Variants in CCSER2 observed in about 807,000 individuals in gnomAD.
The protein encoded by CCSER2 is coiled-coil serine rich protein 2.
Under a neutral mutation model 92.3 loss-of-function variants are expected in CCSER2, and 46 were observed. The ratio of observed to expected loss-of-function variants is 0.50; its 90% CI spans 0.39 to 0.64. The LOEUF (loss-of-function observed/expected upper bound fraction) is 0.64, where lower values mean the gene tolerates loss of function less well. Among genes scored for constraint, CCSER2 ranks in the 30% least tolerant of loss-of-function variants. CCSER2 has a pLI of 0.00. For missense variants in CCSER2, 1,244 were observed against 1,238.9 expected (o/e 1.00, Z -0.06); for synonymous variants, 433 against 431.4 (o/e 1.00, Z -0.04).
chr10:84,381,272 A>G (rs1215357243), intron 3 of CCSER2, among the ~76,000 whole-genome samples: 1 of 152,218 alleles, frequency 6.6e-6, no homozygotes, highest in Admixed American at 6.5e-5. Context: ...TTTTACATTT[A>G]AGACTTCATC....
chr10:84,511,764 C>T (rs1407174668), intron 9 of CCSER2, among the ~76,000 whole-genome samples: 3 of 152,086 alleles, frequency 2.0e-5, no homozygotes, highest in African/African-American at 4.8e-5. Context: ...CACTTTGGCA[C>T]GGTCATTTTT....
intron 3 of CCSER2, chr10:84,392,018 AAG>A: frequency 7.8e-7 from 1 of 1,288,620 alleles, no homozygotes. Context: ...TTCCCTTAAA[AAG>A]AGCGTCTTGC....
intron 3 of CCSER2, among the ~76,000 whole-genome samples, chr10:84,384,335 A>G (rs1463816206): frequency 2.0e-5 from 3 of 152,196 alleles, no homozygotes; most frequent in Non-Finnish European, 4.4e-5. Context: ...GAAAAAAACT[A>G]CTGGCCAGTA....
At position 84,371,964 on chromosome 10, in the gene CCSER2, A is replaced by G. The variant is rs1440033441; in HGVS notation, c.912A>G (p.Pro304=). Residue 304 remains proline, a synonymous_variant, in exon 2 of 10, where the codon CCA becomes CCG. Coordinates refer to ENST00000372088, the MANE Select transcript of CCSER2 (RefSeq NM_001284240.2). ...YAAGGKKLAL[P]NGPGVTSTLG... is the part of the protein sequence containing the mutation. ...CTGGTGGAAAGAAGTTGGCTTTACCAAATGGCCCAGGTGTAACTTCTACTT... is the reference window on the plus strand; with the variant it reads ...CTGGTGGAAAGAAGTTGGCTTTACCGAATGGCCCAGGTGTAACTTCTACTT... The G allele has an allele frequency of 1.2e-6, 2 of 1,613,812 alleles. No individual in the cohort carries two copies. The highest frequency in any genetic ancestry group is 1.7e-5 in the Admixed American group (1 of 59,992).
intron 1 of CCSER2, among the ~76,000 whole-genome samples, chr10:84,368,316 T>TA (rs1845889513): frequency 6.6e-6 from 1 of 152,184 alleles, no homozygotes. Context: ...CGCTACTTTT[T>TA]AAACTTTATA....
intron 6 of CCSER2, among the ~76,000 whole-genome samples, chr10:84,463,371 C>T (rs2133668135): frequency 6.6e-6 from 1 of 152,298 alleles, no homozygotes; most frequent in East Asian, 1.9e-4. Flanking sequence ...CAGTAACCCC[C>T]TTCCCTTTAG....
At chr10:84,507,574 C>A (rs192260387) in intron 9 of CCSER2, among the ~76,000 whole-genome samples, 82 of 152,252 alleles carry the variant, frequency 5.4e-4, no homozygotes, top group African/African-American at 1.9e-3. Context: ...CATTATTACA[C>A]TTTAGAACAT....
chr10:84,347,938 G>A (rs1310337800), intron 1 of CCSER2, among the ~76,000 whole-genome samples: 2 of 151,650 alleles, frequency 1.3e-5, no homozygotes. Flanking sequence ...GTGGGATGGC[G>A]GCCGGGAAGA....
chr10:84,350,227 G>A (rs943949328), intron 1 of CCSER2, among the ~76,000 whole-genome samples: 7 of 152,228 alleles, frequency 4.6e-5, no homozygotes, highest in East Asian at 1.9e-4. Flanking sequence ...TTTCCACTGC[G>A]CCAGAGCACT....
At chr10:84,378,132 A>G (rs1222338934) in intron 3 of CCSER2, among the ~76,000 whole-genome samples, 3 of 152,214 alleles carry the variant, frequency 2.0e-5, no homozygotes, top group Admixed American at 6.5e-5. Flanking sequence ...ATAGTTCACC[A>G]TTAAAGTTTT....
chr10:84,454,840 T>C (rs1331543910), intron 6 of CCSER2: 1 of 154,114 alleles, frequency 6.5e-6, no homozygotes, highest in Non-Finnish European at 1.5e-5. Flanking sequence ...TTTCTCTTTT[T>C]CTTTGCACTT....
At position 84,514,481 on chromosome 10, in the gene CCSER2, G is replaced by C; in HGVS notation, c.*214G>C. 1 of 536,364 alleles carries C rather than the reference G, an allele frequency of 1.9e-6. No homozygotes were observed. Among genetic ancestry groups the C allele is most frequent in the South Asian group, 2.7e-5 (1 of 37,132 alleles). 33.2% of individuals were successfully genotyped at this position (536,364 alleles called of 1,614,324 possible). A position where few individuals can be genotyped will look rare whatever the true frequency, so the allele number is the denominator to read the frequency against. ...GAGCATAATTATCTCAGGTAAACAC[G>C]AAAGTTTGCTTACCCATTTCAGAGG... On this transcript the variant is annotated 3_prime_UTR_variant, in exon 10 of 10. Transcript: ENST00000372088.
intron 9 of CCSER2, among the ~76,000 whole-genome samples, chr10:84,498,447 T>G (rs1025568170): frequency 6.6e-6 from 1 of 152,080 alleles, no homozygotes; most frequent in Admixed American, 6.6e-5. Flanking sequence ...TGTGGCTTTT[T>G]TTTTTCCCTT....
intron 3 of CCSER2, 95 bp downstream of exon 3, chr10:84,373,910 A>T: frequency 6.5e-7 from 1 of 1,546,204 alleles, no homozygotes; most frequent in Non-Finnish European, 8.8e-7. Context: ...TTATGAATTA[A>T]CTTTACTACT....
At chr10:84,356,079 G>T (rs1249584461) in intron 1 of CCSER2, among the ~76,000 whole-genome samples, 2 of 149,930 alleles carry the variant, frequency 1.3e-5, no homozygotes, top group Non-Finnish European at 3.0e-5. Flanking sequence ...CTCCAGCCTG[G>T]GTGACAAGAG....
intron 1 of CCSER2, among the ~76,000 whole-genome samples, chr10:84,370,218 G>A (rs1302012412): frequency 1.3e-5 from 2 of 152,060 alleles, no homozygotes; most frequent in Admixed American, 6.5e-5. Context: ...GACTGCTTTG[G>A]GCAGCATGGT....
chr10:84,373,673 C>T lies in CCSER2; in HGVS notation c.1472C>T (p.Thr491Ile). The T allele has an allele frequency of 1.9e-6, 3 of 1,613,502 alleles. No individual in the cohort carries two copies. Among genetic ancestry groups the T allele is most frequent in the Non-Finnish European group, 2.5e-6 (3 of 1,179,604 alleles). ...GGGAATAATTTGGTTTCACCAGATACAGACTACAGAGCTGGTTCTTCGTTT... is the reference window on the plus strand; with the variant it reads ...GGGAATAATTTGGTTTCACCAGATATAGACTACAGAGCTGGTTCTTCGTTT... ...TSGNNLVSPD[T>I]DYRAGSSFEL... The change falls in exon 3 of 10, where the codon ACA becomes ATA. Residue 491 changes from threonine (T) to isoleucine (I), a missense_variant. Thr to Ile is a moderately conservative substitution (Grantham distance 89). Coordinates refer to ENST00000372088, the MANE Select transcript of CCSER2 (RefSeq NM_001284240.2).
At chr10:84,359,159 A>G (rs1354038474) in intron 1 of CCSER2, among the ~76,000 whole-genome samples, 1 of 151,830 alleles carries the variant, frequency 6.6e-6, no homozygotes, top group Non-Finnish European at 1.5e-5. Context: ...AAAGTGCTTT[A>G]TGTCCAAAGG....
rs887072776 is a variant in CCSER2, at chr10:84,513,785, C to T, written c.2662C>T (p.Leu888Phe). 1.5e-5 allele frequency: 23 copies of T among 1,536,436 alleles called. No individual in the cohort carries two copies. The highest frequency in any genetic ancestry group is 1.9e-5 in the Non-Finnish European group (22 of 1,146,934). The change falls in exon 10 of 10, where the codon CTT becomes TTT. Residue 888 changes from leucine to phenylalanine, a missense_variant. Transcript: ENST00000372088. ...TGACATGCAGTTTATACCCACTTCTCTTCAGACACCTCCCGAGTCAAGTAC... is the reference window on the plus strand; with the variant it reads ...TGACATGCAGTTTATACCCACTTCTTTTCAGACACCTCCCGAGTCAAGTAC... ...ISDMQFIPTS[L>F]QTPPESSTVD...
Sources: gnomAD v4.1 joint callset for allele counts (sites outside exome capture counted in the v4.1 genomes callset) on GRCh38, gnomAD v4.1.1 for gene constraint, MANE v1.5 for transcripts, NCBI Gene and HGNC (gene_info 2026-07-23, HGNC 2026-07-21) for gene names.